Variants in AHDC1 observed in about 807,000 individuals in gnomAD.
The protein encoded by AHDC1 is AT-hook DNA binding motif containing 1.
A neutral mutation model predicts 87.9 loss-of-function variants in AHDC1; 7 were observed. That is an observed-to-expected ratio of 0.08 (90% CI 0.05 to 0.15). AHDC1 has a LOEUF of 0.15. AHDC1 is among the 10% of genes least tolerant of loss of function. AHDC1 has a pLI of 1.00. For missense variants in AHDC1, 1,841 were observed against 2,253.2 expected (o/e 0.82, Z 3.70); for synonymous variants, 1,051 against 1,006.8 (o/e 1.04, Z -0.83).
chr1:27,596,047 G>A (rs1294507118), intron 3 of AHDC1, among the ~76,000 whole-genome samples: 1 of 151,974 alleles, frequency 6.6e-6, no homozygotes, highest in Non-Finnish European at 1.5e-5. Context: ...GAGAGGTGAT[G>A]GGGCTGCAGG....
intron 3 of AHDC1, among the ~76,000 whole-genome samples, chr1:27,564,287 A>G (rs1226195608): frequency 1.3e-5 from 2 of 151,938 alleles, no homozygotes; most frequent in Admixed American, 6.6e-5. Context: ...GGCTTCGGGG[A>G]GGGGGGAAGG....
In AHDC1 at chr1:27,548,879, G is replaced by C; in HGVS notation, c.3237C>G (p.Thr1079=). The change falls in exon 8 of 9, where the codon ACC becomes ACG. Residue 1079 remains threonine, a synonymous_variant. Coordinates refer to ENST00000673934, the MANE Select transcript of AHDC1 (RefSeq NM_001371928.1). ...MVPKGTTASA[T]SAASAASSSS... ...AGGAGGAGGCGGCAGAGGCTGCAGA[G>C]GTGGCAGAGGCTGTGGTGCCCTTGG... 1 of 1,609,526 alleles carries C rather than the reference G, an allele frequency of 6.2e-7. No individual in the cohort carries two copies. Among genetic ancestry groups the C allele is most frequent in the East Asian group, 2.2e-5 (1 of 44,826 alleles).
chr1:27,602,743 T>C (rs1347452707), intron 3 of AHDC1, among the ~76,000 whole-genome samples: 1 of 152,136 alleles, frequency 6.6e-6, no homozygotes, highest in Non-Finnish European at 1.5e-5. Flanking sequence ...GTGAGCCGAC[T>C]TTGTTCGCCA....
chr1:27,574,771 C>T (rs2088655758), intron 3 of AHDC1, among the ~76,000 whole-genome samples: 1 of 152,114 alleles, frequency 6.6e-6, no homozygotes. Flanking sequence ...GCGTCCCTTC[C>T]CCTGCCCAAC....
At chr1:27,540,379 C>CT (rs2018847995) in intron 8 of AHDC1, among the ~76,000 whole-genome samples, 2 of 150,346 alleles carry the variant, frequency 1.3e-5, no homozygotes, top group African/African-American at 4.9e-5. Flanking sequence ...ATTCTACATG[C>CT]TTTTCTTCAA....
At chr1:27,578,020 G>A (rs1310614192) in intron 3 of AHDC1, among the ~76,000 whole-genome samples, 1 of 152,146 alleles carries the variant, frequency 6.6e-6, no homozygotes, top group Non-Finnish European at 1.5e-5. Flanking sequence ...AACCTCTGGC[G>A]AGTACAACCC....
chr1:27,594,885 C>T (rs1467875302), intron 3 of AHDC1, among the ~76,000 whole-genome samples: 1 of 152,012 alleles, frequency 6.6e-6, no homozygotes, highest in African/African-American at 2.4e-5. Context: ...TTGTGACTAG[C>T]TGAGGCTGTC....
At position 27,562,363 on chromosome 1, in the gene AHDC1, C is replaced by T. The variant is rs955326699; in HGVS notation, c.-628-3480G>A. Among the ~76,000 whole-genome samples the T allele has an allele frequency of 4.6e-5, 7 of 152,264 alleles. No homozygotes were observed. Among genetic ancestry groups the T allele is most frequent in the South Asian group, 2.1e-4 (1 of 4,826 alleles). ...ACTGACTACCTGAGCTCCCGGCCCG[C>T]GCAGAGCTGCCCCGATTAATCCTGT... On this transcript the variant is annotated intron_variant, in intron 3 of 8. Transcript: ENST00000673934. This position sits in a 1 kb window ranked among gnomAD's most constrained non-coding sequence, Gnocchi z 4.4.
intron 5 of AHDC1, among the ~76,000 whole-genome samples, chr1:27,557,817 C>T (rs1262245771): frequency 2.0e-5 from 3 of 152,212 alleles, no homozygotes; most frequent in African/African-American, 7.2e-5. Flanking sequence ...CCGGGTACCA[C>T]ATACACAGCC....
At chr1:27,594,685 G>A (rs763043358) in intron 3 of AHDC1, among the ~76,000 whole-genome samples, 11 of 150,760 alleles carry the variant, frequency 7.3e-5, no homozygotes, top group Non-Finnish European at 1.5e-4. Flanking sequence ...CTGGGCAGCA[G>A]AGAGAGAGAG....
intron 8 of AHDC1, among the ~76,000 whole-genome samples, chr1:27,536,797 C>A (rs2018657396): frequency 6.6e-6 from 1 of 152,076 alleles, no homozygotes; most frequent in African/African-American, 2.4e-5. Context: ...ACGCCAGCCT[C>A]CCCTGCTCCC....
Position 27,574,617 on chromosome 1 carries a change from G to A in AHDC1, c.-628-15734C>T, listed in dbSNP as rs147171597. On this transcript the variant is annotated intron_variant, in intron 3 of 8. Coordinates refer to ENST00000673934, the MANE Select transcript of AHDC1 (RefSeq NM_001371928.1). Reference sequence around the variant, plus strand: ...CCATGGTGAGAGTATGCTAGGTGGGGGCAGGAAACAGAACTGAACAAGGGC... The same window carrying A: ...CCATGGTGAGAGTATGCTAGGTGGGAGCAGGAAACAGAACTGAACAAGGGC... 9.5e-3 allele frequency among the ~76,000 whole-genome samples: 1,446 copies of A among 152,284 alleles called. 16 individuals carry two copies. The highest frequency in any genetic ancestry group is 0.032 in the African/African-American group (1,337 of 41,552).
intron 3 of AHDC1, among the ~76,000 whole-genome samples, chr1:27,601,964 C>T (rs2089540028): frequency 6.6e-6 from 1 of 152,164 alleles, no homozygotes. Flanking sequence ...GGCCAAGTCC[C>T]GCCTGACACC....
chr1:27,589,889 C>T (rs2089175849), intron 3 of AHDC1, among the ~76,000 whole-genome samples: 1 of 152,096 alleles, frequency 6.6e-6, no homozygotes, highest in African/African-American at 2.4e-5. Context: ...CACCGGCCCC[C>T]ACCCAGGCCG....
rs1175291146 is a variant in AHDC1 at position 27,548,258 on chromosome 1, C to T, written c.3858G>A (p.Arg1286=). Reference sequence around the variant, plus strand: ...ACTTGGCTTTGGCCGCTGCGCCACCCCGCTCCTTCTTGGCTGAGCAGGCCC... The same window carrying T: ...ACTTGGCTTTGGCCGCTGCGCCACCTCGCTCCTTCTTGGCTGAGCAGGCCC... ...GGGACSAKKE[R]GGAAAKAKFI... The change falls in exon 8 of 9, where the codon CGG becomes CGA. Residue 1286 remains arginine (R), a synonymous_variant. Transcript: ENST00000673934. 1.2e-6 allele frequency: 2 copies of T among 1,611,434 alleles called. No homozygotes were observed. Among genetic ancestry groups the T allele is most frequent in the African/African-American group, 1.3e-5 (1 of 74,930 alleles).
intron 3 of AHDC1, among the ~76,000 whole-genome samples, chr1:27,583,778 A>G (rs75148259): frequency 0.02 from 3,095 of 152,300 alleles, 97 homozygotes; most frequent in African/African-American, 0.055. Context: ...CTATCTGTGA[A>G]ATAAGGATAA....
At chr1:27,575,993 C>T (rs1352562681) in intron 3 of AHDC1, among the ~76,000 whole-genome samples, 3 of 152,090 alleles carry the variant, frequency 2.0e-5, no homozygotes, top group Non-Finnish European at 4.4e-5. Context: ...CGCCCGGCAG[C>T]GGTCCGGACC....
chr1:27,578,947 C>T (rs1206123028), intron 3 of AHDC1, among the ~76,000 whole-genome samples: 2 of 151,842 alleles, frequency 1.3e-5, no homozygotes, highest in Non-Finnish European at 2.9e-5. Flanking sequence ...TCACCTGCCT[C>T]GGCCTCCCAA....
At chr1:27,601,544 A>T (rs958490218) in intron 3 of AHDC1, among the ~76,000 whole-genome samples, 7 of 152,246 alleles carry the variant, frequency 4.6e-5, no homozygotes, top group Non-Finnish European at 7.3e-5. Flanking sequence ...GTCTCTGGGG[A>T]TTACTCCAAC....
Sources: allele counts gnomAD v4.1 joint callset (sites outside exome capture counted in the v4.1 genomes callset), GRCh38; gene constraint gnomAD v4.1.1; non-coding constraint Gnocchi (gnomAD v3.1); transcripts MANE v1.5; gene names NCBI Gene and HGNC (gene_info 2026-07-23, HGNC 2026-07-21).